SYT1: variants seen among roughly 807,000 people sequenced by gnomAD.
SYT1 encodes synaptotagmin 1.
A neutral mutation model predicts 44.8 loss-of-function variants in SYT1; 8 were observed. The observed-to-expected ratio is 0.18, with a 90% CI of 0.10 to 0.32. The LOEUF is 0.32. Ranked by LOEUF, SYT1 falls within the 10% of genes least tolerant of loss-of-function variation. The probability of loss-of-function intolerance (pLI) is 1.00; values close to 1 mark genes in which losing one functional copy is unlikely to be tolerated. For synonymous variants in SYT1, 154 were observed against 188.8 expected (o/e 0.82, Z 1.51); for missense variants, 286 against 509.3 (o/e 0.56, Z 4.22).
rs1870894401 is a variant in SYT1 at position 79,160,690 on chromosome 12, C to G, written c.-17-56813C>G. Among the ~76,000 whole-genome samples, 3 of 152,074 alleles carry G rather than the reference C, an allele frequency of 2.0e-5. No individual in the cohort carries two copies. The South Asian group carries it at 6.2e-4, about 32-fold the overall frequency. The stretch of plus-strand genomic sequence containing the variant: ...GCCAAGACATCAAGTGAAAATGACC[C>G]AAGAATAGTTGAAAATGTGGTCTAT... On this transcript the variant is annotated intron_variant, in intron 3 of 10. Coordinates refer to ENST00000261205, the MANE Select transcript of SYT1 (RefSeq NM_005639.3).
At chr12:78,895,716 G>A (rs1182138810) in intron 1 of SYT1, among the ~76,000 whole-genome samples, 1 of 151,650 alleles carries the variant, frequency 6.6e-6, no homozygotes, top group Non-Finnish European at 1.5e-5. Flanking sequence ...TACTATTAAG[G>A]ACAATAAAAA....
intron 3 of SYT1, among the ~76,000 whole-genome samples, chr12:79,168,958 G>A (rs1871360604): frequency 6.6e-6 from 1 of 151,876 alleles, no homozygotes; most frequent in Non-Finnish European, 1.5e-5. Flanking sequence ...GAACACTTGA[G>A]CAGCAATTTT....
At chr12:78,923,761 TGA>T (rs66547582) in intron 1 of SYT1, among the ~76,000 whole-genome samples, 27,469 of 151,336 alleles carry the variant, frequency 0.18, 3,075 homozygotes, top group East Asian at 0.5. Context: ...ATGAACAATG[TGA>T]GAGAGTAAGT....
chr12:79,098,072 A>AATGAGT (rs1878243332), intron 3 of SYT1, among the ~76,000 whole-genome samples: 1 of 152,024 alleles, frequency 6.6e-6, no homozygotes, highest in East Asian at 1.9e-4. Flanking sequence ...GCCACCATTT[A>AATGAGT]ATGAGTTTCT....
At chr12:79,157,259 C>T (rs1291651361) in intron 3 of SYT1, among the ~76,000 whole-genome samples, 1 of 152,186 alleles carries the variant, frequency 6.6e-6, no homozygotes, top group Admixed American at 6.5e-5. Flanking sequence ...AAAAGCACCA[C>T]ATCCTATAGG....
At chr12:78,997,367 A>G (rs1046345075) in intron 2 of SYT1, among the ~76,000 whole-genome samples, 1 of 152,332 alleles carries the variant, frequency 6.6e-6, no homozygotes, top group Admixed American at 6.5e-5. Flanking sequence ...TCACCAAAAT[A>G]TAGGGAAACT....
At chr12:79,134,697 C>T (rs976733115) in intron 3 of SYT1, among the ~76,000 whole-genome samples, 1 of 151,980 alleles carries the variant, frequency 6.6e-6, no homozygotes, top group African/African-American at 2.4e-5. Context: ...TCTAAGCTTA[C>T]CTCAGACACT....
chr12:79,022,590 ATTTGT>A (rs980211494), intron 2 of SYT1, among the ~76,000 whole-genome samples: 2 of 151,578 alleles, frequency 1.3e-5, no homozygotes, highest in African/African-American at 4.8e-5. Flanking sequence ...GCTTCTTATT[ATTTGT>A]TTTGTTTTGG....
At chr12:78,972,724 T>TC (rs1452674207) in intron 1 of SYT1, among the ~76,000 whole-genome samples, 2 of 151,946 alleles carry the variant, frequency 1.3e-5, no homozygotes, top group Non-Finnish European at 2.9e-5. Context: ...GATTTTTTTT[T>TC]CACCTTTGAG....
In SYT1 at chr12:78,884,773, A is replaced by G. The variant is rs139610614; in HGVS notation, c.-217+19664A>G. 5.1e-3 allele frequency among the ~76,000 whole-genome samples: 779 copies of G among 151,846 alleles called. 9 individuals are homozygous for G. The highest frequency in any genetic ancestry group is 0.017 in the African/African-American group (693 of 41,524). On this transcript the variant is annotated intron_variant, in intron 1 of 10. Coordinates refer to ENST00000261205, the MANE Select transcript of SYT1 (RefSeq NM_005639.3). ...AAACTTGTTAAGAATGAGCTTGCAC[A>G]TGTTAGCTACATGTAAAATCTTTTT...
intron 1 of SYT1, among the ~76,000 whole-genome samples, chr12:78,941,771 C>T (rs959993382): frequency 6.6e-6 from 1 of 152,178 alleles, no homozygotes; most frequent in African/African-American, 2.4e-5. Context: ...CCTCCTTGAG[C>T]TAATAGACAC....
At chr12:79,372,187 T>A (rs537408220) in intron 9 of SYT1, among the ~76,000 whole-genome samples, 2 of 152,290 alleles carry the variant, frequency 1.3e-5, no homozygotes, top group East Asian at 3.9e-4. Context: ...CTTAATTCAC[T>A]TTTGCATAAC....
chr12:79,227,327 T>C (rs1875583502), intron 4 of SYT1, among the ~76,000 whole-genome samples: 1 of 152,132 alleles, frequency 6.6e-6, no homozygotes, highest in African/African-American at 2.4e-5. Context: ...CAGACAAGGT[T>C]TTTTAGAATT....
intron 3 of SYT1, among the ~76,000 whole-genome samples, chr12:79,122,455 A>C (rs1488619407): frequency 7.8e-6 from 1 of 128,882 alleles, no homozygotes; most frequent in East Asian, 2.7e-4. Flanking sequence ...CGGAGCTTGC[A>C]GTGAGCCGAG....
At chr12:79,229,152 T>G (rs896438247) in intron 4 of SYT1, among the ~76,000 whole-genome samples, 2 of 152,214 alleles carry the variant, frequency 1.3e-5, no homozygotes, top group Non-Finnish European at 2.9e-5. Flanking sequence ...GGCACTGTGT[T>G]GGGATGAGGA....
intron 4 of SYT1, among the ~76,000 whole-genome samples, chr12:79,234,200 T>A (rs1876040773): frequency 6.6e-6 from 1 of 152,228 alleles, no homozygotes; most frequent in African/African-American, 2.4e-5. Flanking sequence ...ATTTCAGGAT[T>A]TCCAATACTA....
At chr12:79,245,577 G>A (rs1876802340) in intron 4 of SYT1, among the ~76,000 whole-genome samples, 1 of 151,332 alleles carries the variant, frequency 6.6e-6, no homozygotes, top group Non-Finnish European at 1.5e-5. Context: ...AAATATAATG[G>A]CAAAGCATCG....
chr12:79,179,701 G>C (rs1592827816), intron 3 of SYT1, among the ~76,000 whole-genome samples: 1 of 151,428 alleles, frequency 6.6e-6, no homozygotes, highest in African/African-American at 2.4e-5. Context: ...ATTACAGGCG[G>C]GAGCCACCAT....
intron 1 of SYT1, among the ~76,000 whole-genome samples, chr12:78,967,956 A>G (rs1868286627): frequency 6.6e-6 from 1 of 152,156 alleles, no homozygotes; most frequent in South Asian, 2.1e-4. Flanking sequence ...TTAACAATGT[A>G]GAGGAGTTCG....
Sources: gnomAD v4.1 joint callset for allele counts (sites outside exome capture counted in the v4.1 genomes callset) on GRCh38, gnomAD v4.1.1 for gene constraint, MANE v1.5 for transcripts, NCBI Gene and HGNC (gene_info 2026-07-23, HGNC 2026-07-21) for gene names.